The following ZNF385D variants were observed in gnomAD, a reference collection of about 807,000 sequenced individuals.
ZNF385D encodes zinc finger protein 659.
Under a neutral mutation model 35.8 loss-of-function variants are expected in ZNF385D, and 15 were observed. The ratio of observed to expected loss-of-function variants is 0.42; its 90% CI spans 0.28 to 0.64. ZNF385D has a LOEUF of 0.64. ZNF385D is among the 30% of genes least tolerant of loss of function. ZNF385D has a pLI of 0.23. For missense variants in ZNF385D, 474 were observed against 494.6 expected, an observed-to-expected ratio of 0.96 and a Z score of 0.39; for synonymous variants, 212 against 186.8, an observed-to-expected ratio of 1.13 and a Z score of -1.10.
At chr3:21,866,909 G>A (rs184417210) in intron 3 of ZNF385D, among the ~76,000 whole-genome samples, 15 of 152,230 alleles carry the variant, frequency 9.9e-5, no homozygotes, top group East Asian at 3.9e-4. Flanking sequence ...GTGCCTATTA[G>A]AATGAAATGA....
intron 2 of ZNF385D, among the ~76,000 whole-genome samples, chr3:22,367,049 A>G (rs1199778472): frequency 1.1e-4 from 16 of 152,226 alleles, no homozygotes; most frequent in Admixed American, 1.0e-3. Flanking sequence ...GAATTTTGAA[A>G]GAATATATTC....
chr3:21,581,834 C>T (rs770450438), intron 2 of ZNF385D, among the ~76,000 whole-genome samples: 1 of 152,114 alleles, frequency 6.6e-6, no homozygotes, highest in East Asian at 1.9e-4. Context: ...CCTTGGGAAG[C>T]TTGTTAAAGG....
intron 3 of ZNF385D, among the ~76,000 whole-genome samples, chr3:21,557,668 G>A (rs2062788799): frequency 6.6e-6 from 1 of 152,042 alleles, no homozygotes; most frequent in Non-Finnish European, 1.5e-5. Flanking sequence ...GGATGATGCT[G>A]GCCTCATAAA....
chr3:21,589,309 A>G (rs910509576), intron 2 of ZNF385D, among the ~76,000 whole-genome samples: 2 of 152,220 alleles, frequency 1.3e-5, no homozygotes, highest in African/African-American at 4.8e-5. Context: ...AGTTTACCTG[A>G]GGAAGATATG....
At chr3:21,967,804 T>C (rs1342665776) in intron 3 of ZNF385D, among the ~76,000 whole-genome samples, 3 of 152,140 alleles carry the variant, frequency 2.0e-5, no homozygotes, top group African/African-American at 7.2e-5. Context: ...TGGGAGGAAG[T>C]TGGAGTAAGA....
chr3:21,430,407 C>T (rs1701239312), intron 5 of ZNF385D, among the ~76,000 whole-genome samples: 2 of 151,976 alleles, frequency 1.3e-5, no homozygotes, highest in African/African-American at 2.4e-5. Flanking sequence ...CAGAAATGGT[C>T]CTGGAGGGAA....
chr3:21,466,572 C>G (rs1427111735), intron 4 of ZNF385D, among the ~76,000 whole-genome samples: 3 of 152,178 alleles, frequency 2.0e-5, no homozygotes, highest in African/African-American at 7.2e-5. Context: ...CATTCAACAC[C>G]TGTATCTCAA....
chr3:21,584,349 C>G (rs1400692566), intron 2 of ZNF385D, among the ~76,000 whole-genome samples: 1 of 152,110 alleles, frequency 6.6e-6, no homozygotes, highest in Non-Finnish European at 1.5e-5. Context: ...ACTCATTGTT[C>G]CAGACTTTGT....
At chr3:21,678,804 A>G (rs2066809433) in intron 1 of ZNF385D, among the ~76,000 whole-genome samples, 1 of 152,126 alleles carries the variant, frequency 6.6e-6, no homozygotes, top group South Asian at 2.1e-4. Flanking sequence ...ATAGTTTTCA[A>G]AAGTCATTAT....
At chr3:22,024,416 T>C (rs1230703019) in intron 3 of ZNF385D, among the ~76,000 whole-genome samples, 8 of 152,076 alleles carry the variant, frequency 5.3e-5, no homozygotes, top group Non-Finnish European at 1.0e-4. Context: ...GGTTCTAGAA[T>C]ATTAAGGATG....
exon 3 of ZNF385D, chr3:22,168,929 A>G (rs949644727): frequency 1.0e-5 from 10 of 985,738 alleles, no homozygotes; most frequent in African/African-American, 7.0e-5. Flanking sequence ...TGTTACATAC[A>G]TTGCACAAAG....
At chr3:22,273,389 T>C (rs1701275254) in intron 2 of ZNF385D, among the ~76,000 whole-genome samples, 1 of 151,970 alleles carries the variant, frequency 6.6e-6, no homozygotes, top group Non-Finnish European at 1.5e-5. Context: ...TTGTTCTCAG[T>C]CAGGGGTGAT....
intron 3 of ZNF385D, among the ~76,000 whole-genome samples, chr3:21,763,534 C>A (rs572994886): frequency 1.3e-5 from 2 of 152,104 alleles, no homozygotes; most frequent in Non-Finnish European, 2.9e-5. Flanking sequence ...AAATGAATAT[C>A]GTGTGCTTTA....
intron 1 of ZNF385D, among the ~76,000 whole-genome samples, chr3:21,735,680 C>T (rs1412732868): frequency 6.6e-6 from 1 of 152,092 alleles, no homozygotes; most frequent in African/African-American, 2.4e-5. Flanking sequence ...AGTGATTGAC[C>T]GCTTTCCTTC....
intron 3 of ZNF385D, among the ~76,000 whole-genome samples, chr3:21,761,826 A>T (rs1009815257): frequency 2.0e-5 from 3 of 150,052 alleles, no homozygotes; most frequent in African/African-American, 7.4e-5. Context: ...TTAAATTTAA[A>T]GTCATAATGG....
chr3:21,529,195 A>ATGTG lies in ZNF385D; in HGVS notation c.277-18173_277-18172insCACA, dbSNP rs2061860750. On this transcript the variant is annotated intron_variant, in intron 3 of 7. Coordinates refer to ENST00000281523, the MANE Select transcript of ZNF385D (RefSeq NM_024697.3). ...AAATGTTCCACCTGAAACTAGAGAT[A>ATGTG]GAATATGACTGTGGGGTTTTCTTAC... Among the ~76,000 whole-genome samples, 3 of 152,186 alleles carry ATGTG rather than the reference A, an allele frequency of 2.0e-5. 1 individual carries two copies. Among genetic ancestry groups the ATGTG allele is most frequent in the Non-Finnish European group, 4.4e-5 (3 of 68,042 alleles).
chr3:21,656,910 G>T (rs972008988), intron 2 of ZNF385D, among the ~76,000 whole-genome samples: 7 of 151,844 alleles, frequency 4.6e-5, no homozygotes, highest in African/African-American at 1.4e-4. Context: ...TGAGGTGTAA[G>T]CTTCAATATT....
At position 21,562,457 on chromosome 3, in the gene ZNF385D, C is replaced by T. The variant is rs2062985505; in HGVS notation, c.276+2117G>A. ...CACTGGGAATAATCAAGCAAAAGAC[C>T]TTGCCTGGATGTAAGAGGTGAAATT... On this transcript the variant is annotated intron_variant, in intron 3 of 7. Transcript: ENST00000281523. Among the ~76,000 whole-genome samples, 2 of 151,938 alleles carry T rather than the reference C, an allele frequency of 1.3e-5. 1 individual carries two copies. Among genetic ancestry groups the T allele is most frequent in the South Asian group, 4.2e-4 (2 of 4,812 alleles).
intron 4 of ZNF385D, among the ~76,000 whole-genome samples, chr3:21,439,918 A>G (rs1701771721): frequency 6.6e-6 from 1 of 152,116 alleles, no homozygotes. Context: ...TTGACCACAT[A>G]GCTAACCATA....
Sources: gnomAD v4.1 joint callset for allele counts (sites outside exome capture counted in the v4.1 genomes callset) on GRCh38, gnomAD v4.1.1 for gene constraint, MANE v1.5 for transcripts, NCBI Gene and HGNC (gene_info 2026-07-23, HGNC 2026-07-21) for gene names.